The following MTMR12 variants were observed in gnomAD, a reference collection of about 807,000 sequenced individuals.
The protein encoded by MTMR12 is myotubularin related protein 12, also known as myotubularin-related protein 12.
MTMR12 carries 33 observed loss-of-function variants against 96.7 expected under a neutral mutation model. That is an observed-to-expected ratio of 0.34 (90% confidence interval 0.26 to 0.46). MTMR12 has a LOEUF of 0.46. Ranked by LOEUF, MTMR12 falls within the 20% of genes least tolerant of loss-of-function variation. MTMR12 has a pLI of 1.00. For missense variants in MTMR12, 721 were observed against 896.1 expected (o/e 0.80, Z 2.49); for synonymous variants, 298 against 327.2 (o/e 0.91, Z 0.96).
intron 3 of MTMR12, 97 bp downstream of exon 3, chr5:32,273,883 T>G: frequency 6.6e-7 from 1 of 1,523,374 alleles, no homozygotes. Flanking sequence ...TTTATGTGTG[T>G]TAGGGGGTAG....
chr5:32,276,501 T>C (rs534835237), intron 2 of MTMR12, among the ~76,000 whole-genome samples, 181 bp downstream of exon 2: 1 of 152,362 alleles, frequency 6.6e-6, no homozygotes, highest in South Asian at 2.1e-4. Context: ...GCAGATGTTG[T>C]AATACTCAGA....
chr5:32,303,396 C>T (rs1291466284), intron 1 of MTMR12, among the ~76,000 whole-genome samples: 1 of 152,154 alleles, frequency 6.6e-6, no homozygotes, highest in African/African-American at 2.4e-5. Flanking sequence ...CTTTCCATCT[C>T]TCCCAGCACT....
At chr5:32,276,855 C>G in intron 1 of MTMR12, 113 bp from the exon 2 acceptor site, 1 of 235,244 alleles carries the variant, frequency 4.3e-6, no homozygotes. Flanking sequence ...AGGAGCTTTT[C>G]GTTTATGTTA....
chr5:32,306,572 T>TA (rs1751374957), intron 1 of MTMR12, among the ~76,000 whole-genome samples: 1 of 152,158 alleles, frequency 6.6e-6, no homozygotes, highest in African/African-American at 2.4e-5. Flanking sequence ...TATATATATA[T>TA]TTTTTACTCT....
chr5:32,298,046 A>G (rs1750992753), intron 1 of MTMR12, among the ~76,000 whole-genome samples: 1 of 152,212 alleles, frequency 6.6e-6, no homozygotes, highest in Non-Finnish European at 1.5e-5. Flanking sequence ...CTTGAAAGCT[A>G]GTTAGGATTT....
At chr5:32,282,927 C>T (rs1469943714) in intron 1 of MTMR12, among the ~76,000 whole-genome samples, 5 of 152,196 alleles carry the variant, frequency 3.3e-5, no homozygotes, top group South Asian at 2.1e-4. Flanking sequence ...TAAGAGAAAA[C>T]GGATTTACCA....
intron 1 of MTMR12, among the ~76,000 whole-genome samples, chr5:32,297,207 T>C (rs985233008): frequency 2.6e-5 from 4 of 152,140 alleles, no homozygotes; most frequent in Non-Finnish European, 4.4e-5. Flanking sequence ...AGTATATTCA[T>C]AGTTGTACAA....
rs1444877635 is a variant in MTMR12 at position 32,260,307 on chromosome 5, G to A, written c.713+2806C>T. On this transcript the variant is annotated intron_variant, in intron 7 of 15. Coordinates refer to ENST00000382142, the MANE Select transcript of MTMR12 (RefSeq NM_001040446.3). The stretch of plus-strand genomic sequence containing the variant: ...CAGGGACAAGTGCCATGAGATGCAT[G>A]TGGAGTAGCCTGCTTGGCATGCGAC... Among the ~76,000 whole-genome samples the A allele has an allele frequency of 2.0e-5, 3 of 151,594 alleles. 1 individual carries two copies. Among genetic ancestry groups the A allele is most frequent in the Non-Finnish European group, 1.5e-5 (1 of 67,926 alleles).
Position 32,233,088 on chromosome 5 carries a change from T to C in MTMR12, c.1674+685A>G. 1.1e-6 allele frequency: 1 copy of C among 896,258 alleles called. No homozygotes were observed. Among genetic ancestry groups the C allele is most frequent in the Non-Finnish European group, 1.3e-6 (1 of 748,630 alleles). The allele number at this position is 896,258 out of a possible 1,614,324, so 55.5% of individuals were successfully genotyped here. On this transcript the variant is annotated intron_variant, in intron 15 of 15. Coordinates refer to ENST00000382142, the MANE Select transcript of MTMR12 (RefSeq NM_001040446.3). This position sits in a 1 kb window ranked among gnomAD's most constrained non-coding sequence, Gnocchi z 5.0. ...GGGATTATCAACTAAAATGACTTTCTGACATTTGTGGCTCATAGCATAGGT... is the reference window on the plus strand; with the variant it reads ...GGGATTATCAACTAAAATGACTTTCCGACATTTGTGGCTCATAGCATAGGT...
At chr5:32,294,489 C>T (rs1750853277) in intron 1 of MTMR12, among the ~76,000 whole-genome samples, 1 of 151,750 alleles carries the variant, frequency 6.6e-6, no homozygotes, top group Admixed American at 6.6e-5. Flanking sequence ...TTAGTAGAGA[C>T]AGGGTTTCAC....
intron 1 of MTMR12, among the ~76,000 whole-genome samples, chr5:32,282,865 G>C (rs1217840536): frequency 1.3e-5 from 2 of 152,078 alleles, no homozygotes; most frequent in Non-Finnish European, 1.5e-5. Flanking sequence ...AACTCCACAA[G>C]AAAAACAAAG....
chr5:32,266,015 C>T (rs1011822148), intron 6 of MTMR12, among the ~76,000 whole-genome samples: 1 of 152,118 alleles, frequency 6.6e-6, no homozygotes, highest in African/African-American at 2.4e-5. Flanking sequence ...ATGCAGCATG[C>T]TCTCTGAGAT....
chr5:32,276,538 A>G, intron 2 of MTMR12, 144 bp downstream of exon 2: 1 of 674,284 alleles, frequency 1.5e-6, no homozygotes, highest in Non-Finnish European at 2.5e-6. Flanking sequence ...TTGAACTACA[A>G]ACCTTGATAT....
chr5:32,259,594 C>T (rs1749278009), intron 7 of MTMR12, among the ~76,000 whole-genome samples: 1 of 152,202 alleles, frequency 6.6e-6, no homozygotes, highest in South Asian at 2.1e-4. Context: ...CTTCACAGAG[C>T]TGTAGGTTGC....
At chr5:32,244,292 GA>G (rs61038640) in intron 10 of MTMR12, among the ~76,000 whole-genome samples, 6,479 of 101,830 alleles carry the variant, frequency 0.064, 399 homozygotes, top group African/African-American at 0.18. Context: ...AAAATGAAAA[GA>G]AAAAAAAAAA....
In MTMR12 at chr5:32,230,135, C is replaced by T. The variant is rs377162662; in HGVS notation, c.1887G>A (p.Pro629=). The T allele has an allele frequency of 6.4e-5, 103 of 1,613,274 alleles. No homozygotes were observed. The African/African-American group carries it at 9.3e-4, about 15-fold the overall frequency. Residue 629 remains proline (P), a synonymous_variant, in exon 16 of 16, where the codon CCG becomes CCA. Transcript: ENST00000382142. ...KSTDYHGLLL[P]HIEGPEIKVW... ...CTTTGATTTCGGGCCCCTCGATATG[C>T]GGTAACAACAAACCATGGTAGTCAG...
intron 1 of MTMR12, among the ~76,000 whole-genome samples, chr5:32,301,491 T>C (rs76451693): frequency 0.015 from 2,338 of 152,274 alleles, 30 homozygotes; most frequent in Non-Finnish European, 0.024. Context: ...CAGGGACACA[T>C]TGGGAAGTTG....
chr5:32,252,540 G>C (rs1748976144), intron 8 of MTMR12, among the ~76,000 whole-genome samples: 1 of 152,212 alleles, frequency 6.6e-6, no homozygotes, highest in Admixed American at 6.5e-5. Flanking sequence ...CAATCTTGCA[G>C]ATCAGTGGTT....
At chr5:32,236,745 G>A (rs912055514) in intron 13 of MTMR12, among the ~76,000 whole-genome samples, 1 of 151,464 alleles carries the variant, frequency 6.6e-6, no homozygotes, top group African/African-American at 2.4e-5. Context: ...GCTGAGGCAG[G>A]AGAATCACTT....
Sources: gnomAD v4.1 joint callset for allele counts (sites outside exome capture counted in the v4.1 genomes callset) on GRCh38, gnomAD v4.1.1 for gene constraint, Gnocchi (gnomAD v3.1) non-coding constraint, MANE v1.5 for transcripts, NCBI Gene and HGNC (gene_info 2026-07-23, HGNC 2026-07-21) for gene names.